The following ADAMTSL1 variants were observed in gnomAD, a reference collection of about 807,000 sequenced individuals.
ADAMTSL1 encodes the protein ADAMTS like 1.
Under a neutral mutation model 201.8 loss-of-function variants are expected in ADAMTSL1, and 126 were observed. That is an observed-to-expected ratio of 0.62 (90% CI 0.54 to 0.72). The LOEUF is 0.72. Among genes scored for constraint, ADAMTSL1 ranks in the 30% least tolerant of loss-of-function variants. ADAMTSL1 has a pLI of 0.00. For missense variants in ADAMTSL1, 2,679 were observed against 2,277.8 expected, an observed-to-expected ratio of 1.18 and a Z score of -3.59; for synonymous variants, 1,121 against 903.4, an observed-to-expected ratio of 1.24 and a Z score of -4.32.
At chr9:18,299,514 G>A (rs541262800) in intron 2 of ADAMTSL1, among the ~76,000 whole-genome samples, 66 of 152,308 alleles carry the variant, frequency 4.3e-4, no homozygotes, top group Non-Finnish European at 2.6e-4. Context: ...GAGCTCCACA[G>A]ATGAGAAGAG....
intron 1 of ADAMTSL1, among the ~76,000 whole-genome samples, chr9:18,064,954 ATTTTTTTTTTTTTTTTTTTTTTTTT>A (rs563021690): frequency 5.8e-5 from 4 of 69,022 alleles, no homozygotes; most frequent in African/African-American, 2.3e-4. Context: ...TTTGCTAAAG[ATTTTTTTTTTTTTTTTTTTTTTTTT>A]TTTTTTTTTG....
At chr9:18,432,885 C>T (rs530115129) in intron 2 of ADAMTSL1, among the ~76,000 whole-genome samples, 6 of 152,226 alleles carry the variant, frequency 3.9e-5, no homozygotes, top group African/African-American at 1.4e-4. Flanking sequence ...AGCAAGTGTC[C>T]CTGCCTCCTT....
intron 2 of ADAMTSL1, among the ~76,000 whole-genome samples, chr9:18,271,491 C>T (rs924706380): frequency 1.6e-4 from 25 of 152,270 alleles, no homozygotes; most frequent in Non-Finnish European, 2.6e-4. Flanking sequence ...CATGTCCCTA[C>T]AAAGGACATG....
At chr9:18,678,361 C>T (rs765043285) in intron 10 of ADAMTSL1, among the ~76,000 whole-genome samples, 14 of 152,208 alleles carry the variant, frequency 9.2e-5, no homozygotes, top group African/African-American at 2.4e-4. Context: ...GCTTTTGTTA[C>T]GCTTTCTTTA....
chr9:18,135,462 C>T (rs1280287797), intron 1 of ADAMTSL1, among the ~76,000 whole-genome samples: 1 of 152,072 alleles, frequency 6.6e-6, no homozygotes, highest in Non-Finnish European at 1.5e-5. Flanking sequence ...TTACTAGCCA[C>T]AAGGTGGACA....
At chr9:18,579,725 A>G (rs1354881974) in intron 4 of ADAMTSL1, among the ~76,000 whole-genome samples, 3 of 152,172 alleles carry the variant, frequency 2.0e-5, no homozygotes, top group Non-Finnish European at 4.4e-5. Context: ...ATAGCTCCAC[A>G]TTGTACAATT....
intron 2 of ADAMTSL1, among the ~76,000 whole-genome samples, chr9:18,342,027 T>C (rs1433900562): frequency 2.0e-5 from 3 of 152,176 alleles, no homozygotes; most frequent in Non-Finnish European, 4.4e-5. Context: ...ACTTTTTGTA[T>C]GGAGGATTTA....
chr9:18,453,087 G>C (rs2153413), intron 2 of ADAMTSL1, among the ~76,000 whole-genome samples: 73,692 of 151,884 alleles, frequency 0.49, 18,014 homozygotes, highest in East Asian at 0.54. Flanking sequence ...AGCCATGCCC[G>C]CACAGCTCTT....
Position 18,776,990 on chromosome 9 carries a change from T to A in ADAMTSL1, c.2761T>A (p.Ser921Thr), listed in dbSNP as rs376206965. 15 of 1,599,946 alleles carry A rather than the reference T, an allele frequency of 9.4e-6. No homozygotes were observed. Among genetic ancestry groups the A allele is most frequent in the Non-Finnish European group, 1.2e-5 (14 of 1,171,546 alleles). The change falls in exon 19 of 29, where the codon TCG becomes ACG. Residue 921 changes from serine (S) to threonine (T), a missense_variant. Transcript: ENST00000380548. ...WEKDGQHLISSTHVTVAPFGY... is the reference protein window; with the variant it reads ...WEKDGQHLISTTHVTVAPFGY... ...GAAGGACGGCCAGCACCTCATCAGC[T>A]CGACGCACGTCACGGTGGCCCCCTT... is the stretch of plus-strand genomic sequence containing the variant.
chr9:18,647,443 T>C (rs1344908830), intron 7 of ADAMTSL1, among the ~76,000 whole-genome samples: 2 of 152,126 alleles, frequency 1.3e-5, no homozygotes, highest in African/African-American at 4.8e-5. Flanking sequence ...TGAATGTGTT[T>C]GCTCTTGCTT....
intron 1 of ADAMTSL1, among the ~76,000 whole-genome samples, chr9:18,500,859 G>C (rs1822792573): frequency 1.3e-5 from 2 of 152,030 alleles, no homozygotes; most frequent in African/African-American, 4.8e-5. Context: ...TTAGTTCCTT[G>C]TCATTGATAT....
intron 4 of ADAMTSL1, among the ~76,000 whole-genome samples, chr9:18,617,156 T>A (rs1825744176): frequency 6.6e-6 from 1 of 152,216 alleles, no homozygotes; most frequent in Non-Finnish European, 1.5e-5. Flanking sequence ...TAGATTGAGT[T>A]CCTTATGGGA....
intron 15 of ADAMTSL1, among the ~76,000 whole-genome samples, chr9:18,738,952 G>A (rs952208623): frequency 1.3e-5 from 2 of 152,144 alleles, no homozygotes; most frequent in African/African-American, 2.4e-5. Context: ...ACAAGCTAGA[G>A]GCTAGCAGGG....
chr9:18,563,362 C>A (rs570180530), intron 3 of ADAMTSL1, among the ~76,000 whole-genome samples: 2 of 152,304 alleles, frequency 1.3e-5, no homozygotes, highest in South Asian at 4.1e-4. Flanking sequence ...GCAAAGATTG[C>A]TGCCTGTTGC....
chr9:18,270,234 G>A (rs35762648), intron 2 of ADAMTSL1, among the ~76,000 whole-genome samples: 7,005 of 152,104 alleles, frequency 0.046, 244 homozygotes, highest in Non-Finnish European at 0.074. Flanking sequence ...GAAGGGACTA[G>A]TTAGTACTCT....
intron 2 of ADAMTSL1, among the ~76,000 whole-genome samples, chr9:18,507,829 G>T (rs1817777996): frequency 6.6e-6 from 1 of 152,150 alleles, no homozygotes; most frequent in African/African-American, 2.4e-5. Context: ...GCCCTTTGTG[G>T]ATACTAGTCA....
At chr9:18,266,409 C>A (rs34201861) in intron 2 of ADAMTSL1, among the ~76,000 whole-genome samples, 7,001 of 152,242 alleles carry the variant, frequency 0.046, 245 homozygotes, top group Non-Finnish European at 0.074. Flanking sequence ...ACTGAATGAG[C>A]CTCACAAACC....
chr9:18,870,341 G>A (rs1227163193), intron 23 of ADAMTSL1, among the ~76,000 whole-genome samples: 3 of 152,116 alleles, frequency 2.0e-5, no homozygotes, highest in Admixed American at 6.5e-5. Flanking sequence ...TCTGAATTAT[G>A]TTATGTTCCT....
chr9:18,152,996 C>T (rs981186578), intron 1 of ADAMTSL1, among the ~76,000 whole-genome samples: 1 of 151,942 alleles, frequency 6.6e-6, no homozygotes. Context: ...TAAAGTTTGG[C>T]ATCTAGAAAT....
Sources: gnomAD v4.1 joint callset for allele counts (sites outside exome capture counted in the v4.1 genomes callset) on GRCh38, gnomAD v4.1.1 for gene constraint, MANE v1.5 for transcripts, NCBI Gene and HGNC (gene_info 2026-07-23, HGNC 2026-07-21) for gene names.